Variants in PPM1E observed in about 807,000 individuals in gnomAD.
PPM1E encodes protein phosphatase, Mg2+/Mn2+ dependent 1E.
A neutral mutation model predicts 65.9 loss-of-function variants in PPM1E; 20 were observed. The ratio of observed to expected loss-of-function variants is 0.30; its 90% CI spans 0.21 to 0.44. PPM1E has a LOEUF of 0.44. Ranked by LOEUF, PPM1E falls within the 20% of genes least tolerant of loss-of-function variation. PPM1E has a pLI of 1.00. For synonymous variants in PPM1E, 352 were observed against 374.9 expected (o/e 0.94, Z 0.70); for missense variants, 713 against 953.1 (o/e 0.75, Z 3.32).
intron 1 of PPM1E, among the ~76,000 whole-genome samples, chr17:58,895,642 C>CA (rs1567867453): frequency 1.3e-5 from 2 of 151,456 alleles, no homozygotes; most frequent in Non-Finnish European, 2.9e-5. Context: ...CCCATCTCTA[C>CA]AAAAAATAAA....
intron 1 of PPM1E, among the ~76,000 whole-genome samples, chr17:58,866,843 A>G (rs985220806): frequency 2.6e-5 from 4 of 152,206 alleles, no homozygotes; most frequent in African/African-American, 4.8e-5. Flanking sequence ...ACCTTTTTCT[A>G]TGTTCCTTAA....
chr17:58,908,465 G>T (rs1442354534), intron 1 of PPM1E, among the ~76,000 whole-genome samples: 10 of 150,686 alleles, frequency 6.6e-5, no homozygotes, highest in African/African-American at 2.4e-4. Context: ...TTAAGGCGGG[G>T]TTTTGCTCTT....
At position 58,982,103 on chromosome 17, in the gene PPM1E, C is replaced by G. The variant is rs1207767427; in HGVS notation, c.*1072C>G. 6.6e-6 allele frequency: 1 copy of G among 152,564 alleles called. No individual in the cohort carries two copies. The allele number at this position is 152,564 out of a possible 1,614,324, so 9.5% of individuals were successfully genotyped here. On this transcript the variant is annotated 3_prime_UTR_variant, in exon 7 of 7. Coordinates refer to ENST00000308249, the MANE Select transcript of PPM1E (RefSeq NM_014906.5). The stretch of plus-strand genomic sequence containing the variant: ...GGCTGAAAGTATTGTCTAAAGTGAG[C>G]CCAGAGGCCACTGAGAATGCAGATT...
chr17:58,944,032 T>G (rs2052110191), intron 1 of PPM1E, among the ~76,000 whole-genome samples: 1 of 152,132 alleles, frequency 6.6e-6, no homozygotes. Flanking sequence ...TAAGGAAATG[T>G]GCCTCATCCT....
At chr17:58,937,610 C>A (rs1567880842) in intron 1 of PPM1E, among the ~76,000 whole-genome samples, 1 of 147,326 alleles carries the variant, frequency 6.8e-6, no homozygotes, top group East Asian at 2.1e-4. Flanking sequence ...GGTGTGGTGG[C>A]TCACGCCTGT....
intron 1 of PPM1E, among the ~76,000 whole-genome samples, chr17:58,787,398 T>C (rs915706257): frequency 1.1e-4 from 16 of 152,246 alleles, no homozygotes; most frequent in Admixed American, 2.0e-4. Context: ...TTTTCTTCTT[T>C]TTTTTTTAAC....
intron 1 of PPM1E, among the ~76,000 whole-genome samples, chr17:58,837,332 T>TACACACACACACAC (rs59797345): frequency 2.0e-4 from 26 of 131,294 alleles, no homozygotes; most frequent in South Asian, 5.1e-4. Flanking sequence ...CACACACACA[T>TACACACACACACAC]ACACACACAC....
rs115537609 is a variant in PPM1E at position 58,804,791 on chromosome 17, A to T, written c.464+48330A>T. Among the ~76,000 whole-genome samples the T allele has an allele frequency of 2.8e-3, 426 of 152,236 alleles. 2 individuals carry two copies. Among genetic ancestry groups the T allele is most frequent in the African/African-American group, 9.9e-3 (411 of 41,560 alleles). ...TAACATTTTACTTATTTAATGGGGT[A>T]CATGTCATATTTTGTTACATAGAAT... On this transcript the variant is annotated intron_variant, in intron 1 of 6. Transcript: ENST00000308249.
chr17:58,940,187 A>T (rs1194854306), intron 1 of PPM1E, among the ~76,000 whole-genome samples: 1 of 152,208 alleles, frequency 6.6e-6, no homozygotes, highest in Non-Finnish European at 1.5e-5. Context: ...CTATGTTATT[A>T]TCATGTTAGT....
At chr17:58,935,396 T>C (rs1218137166) in intron 1 of PPM1E, among the ~76,000 whole-genome samples, 3 of 152,018 alleles carry the variant, frequency 2.0e-5, no homozygotes, top group Non-Finnish European at 4.4e-5. Flanking sequence ...CCTGGGAGTA[T>C]ATAGGAGAAT....
chr17:58,924,979 T>C (rs951086787), intron 1 of PPM1E, among the ~76,000 whole-genome samples: 1 of 152,128 alleles, frequency 6.6e-6, no homozygotes, highest in African/African-American at 2.4e-5. Flanking sequence ...GTCTATCATT[T>C]TGGGGCATTT....
At chr17:58,782,108 A>G (rs2050056337) in intron 1 of PPM1E, among the ~76,000 whole-genome samples, 1 of 152,140 alleles carries the variant, frequency 6.6e-6, no homozygotes, top group South Asian at 2.1e-4. Flanking sequence ...GGTAGGAATG[A>G]TAGAAACCTC....
intron 1 of PPM1E, among the ~76,000 whole-genome samples, chr17:58,757,859 C>T (rs1373903408): frequency 6.6e-6 from 1 of 151,888 alleles, no homozygotes; most frequent in African/African-American, 2.4e-5. Flanking sequence ...TTTTGAGAAA[C>T]GTAAAATATA....
chr17:58,854,346 G>A (rs539545936), intron 1 of PPM1E, among the ~76,000 whole-genome samples: 5 of 152,158 alleles, frequency 3.3e-5, no homozygotes, highest in African/African-American at 9.6e-5. Flanking sequence ...ATAGGATCAC[G>A]TTATCTGTAA....
intron 1 of PPM1E, among the ~76,000 whole-genome samples, chr17:58,827,915 A>AT (rs1397251260): frequency 1.0e-5 from 1 of 95,454 alleles, no homozygotes; most frequent in Non-Finnish European, 2.2e-5. Flanking sequence ...AAAAAAAAAT[A>AT]ATAATAATAA....
At chr17:58,789,761 T>A (rs974857671) in intron 1 of PPM1E, among the ~76,000 whole-genome samples, 1 of 130,902 alleles carries the variant, frequency 7.6e-6, no homozygotes, top group Non-Finnish European at 1.7e-5. Context: ...TATATATATA[T>A]AAAATGCAAA....
intron 1 of PPM1E, among the ~76,000 whole-genome samples, chr17:58,876,097 T>C (rs964706369): frequency 1.3e-5 from 2 of 152,194 alleles, no homozygotes; most frequent in African/African-American, 4.8e-5. Flanking sequence ...TAATTTTTTC[T>C]TTGCATCTAA....
intron 1 of PPM1E, among the ~76,000 whole-genome samples, chr17:58,762,754 C>T (rs968992988): frequency 3.3e-5 from 5 of 151,894 alleles, no homozygotes; most frequent in African/African-American, 4.8e-5. Flanking sequence ...AAAAATTAGC[C>T]GGGCATAGTG....
intron 1 of PPM1E, among the ~76,000 whole-genome samples, chr17:58,774,951 C>T (rs1330229895): frequency 2.0e-5 from 3 of 151,698 alleles, no homozygotes; most frequent in Admixed American, 2.0e-4. Context: ...CTCCTGGGTT[C>T]AAGCGATTCT....
Sources: allele counts gnomAD v4.1 joint callset (sites outside exome capture counted in the v4.1 genomes callset), GRCh38; gene constraint gnomAD v4.1.1; transcripts MANE v1.5; gene names NCBI Gene and HGNC (gene_info 2026-07-23, HGNC 2026-07-21).